Variants in CEP152 observed in about 807,000 individuals in gnomAD.
The protein encoded by CEP152 is centrosomal protein of 152 kDa.
A neutral mutation model predicts 188.9 loss-of-function variants in CEP152; 132 were observed. That is an observed-to-expected ratio of 0.70 (90% CI 0.61 to 0.81). The LOEUF is 0.81. Ranked by LOEUF, CEP152 falls within the 30% of genes least tolerant of loss-of-function variation. The pLI, the probability that CEP152 is intolerant of heterozygous loss-of-function variation, is 0.00. For synonymous variants in CEP152, 649 were observed against 666.6 expected, an observed-to-expected ratio of 0.97 and a Z score of 0.41; for missense variants, 1,914 against 1,969.8, an observed-to-expected ratio of 0.97 and a Z score of 0.54.
chr15:48,800,675 C>A (rs1028475318), intron 2 of CEP152, among the ~76,000 whole-genome samples: 1 of 152,048 alleles, frequency 6.6e-6, no homozygotes, highest in African/African-American at 2.4e-5. Context: ...CATCAGACTG[C>A]TTTTTGGCAG....
chr15:48,765,685 G>A (rs762467112), intron 17 of CEP152: 12 of 323,804 alleles, frequency 3.7e-5, no homozygotes, highest in South Asian at 2.3e-4. Context: ...ACGGAGTTTC[G>A]CTCTGTCGCC....
chr15:48,782,007 C>A, intron 11 of CEP152, 132 bp downstream of exon 11: 1 of 767,424 alleles, frequency 1.3e-6, no homozygotes. Context: ...AGATGGTGAA[C>A]AACTCCCATG....
intron 11 of CEP152, among the ~76,000 whole-genome samples, chr15:48,781,930 C>T (rs545884285): frequency 1.3e-5 from 2 of 152,240 alleles, no homozygotes; most frequent in South Asian, 4.1e-4. Context: ...GGCAAGCTGG[C>T]AGGAAGTGCA....
At chr15:48,810,112 T>C (rs889223548) in intron 1 of CEP152, 8 of 152,218 alleles carry the variant, frequency 5.3e-5, no homozygotes, top group South Asian at 2.1e-4. Context: ...AAGGTGATAA[T>C]AGGCTTAAAT....
rs760130069 is a variant in CEP152 at position 48,744,241 on chromosome 15, T to A, written c.3834A>T (p.Lys1278Asn). 4.3e-6 allele frequency: 7 copies of A among 1,613,876 alleles called. No homozygotes were observed. Among genetic ancestry groups the A allele is most frequent in the Non-Finnish European group, 2.5e-6 (3 of 1,179,964 alleles). Residue 1278 changes from lysine (K) to asparagine (N), a missense_variant and splice_region_variant, in exon 24 of 27, where the codon AAA becomes AAT. By Grantham distance (94) the Lys-to-Asn change is moderately conservative. Transcript: ENST00000380950. Reference sequence around the variant, plus strand: ...TAAAATCTTCAGAATTAAACTTACATTTAATTTTTTTTACAGCTTTAATGT... The same window carrying A: ...TAAAATCTTCAGAATTAAACTTACAATTAATTTTTTTTACAGCTTTAATGT... Reference protein sequence around the residue: ...GQYIKAVKKIKCDMLRYIQES... With the variant: ...GQYIKAVKKINCDMLRYIQES...
At chr15:48,810,269 C>T (rs1364124117) in intron 1 of CEP152, 2 of 152,192 alleles carry the variant, frequency 1.3e-5, no homozygotes, top group Admixed American at 6.5e-5. Flanking sequence ...GCACATAGCC[C>T]GGTTTAGACT....
At chr15:48,767,793 A>T (rs550326638) in intron 15 of CEP152, among the ~76,000 whole-genome samples, 6 of 152,284 alleles carry the variant, frequency 3.9e-5, no homozygotes, top group African/African-American at 1.4e-4. Flanking sequence ...TGGCTCCAAA[A>T]TTTCAAGTCA....
chr15:48,774,485 C>A (rs1003956588), intron 12 of CEP152, among the ~76,000 whole-genome samples: 4 of 152,110 alleles, frequency 2.6e-5, no homozygotes, highest in Non-Finnish European at 5.9e-5. Flanking sequence ...AGAAAAGAAC[C>A]AGAGAAAGGA....
intron 17 of CEP152, 119 bp from the exon 18 acceptor site, chr15:48,762,791 T>C (rs910017103): frequency 3.8e-5 from 36 of 955,094 alleles, no homozygotes; most frequent in Non-Finnish European, 5.2e-5. Context: ...GATATTGTTG[T>C]AGTAATTATA....
intron 15 of CEP152, 62 bp downstream of exon 15, chr15:48,768,157 G>A (rs1433922487): frequency 1.1e-6 from 1 of 926,392 alleles, no homozygotes; most frequent in Non-Finnish European, 1.8e-6. Context: ...ACAGGGAAGG[G>A]CAGGGACTTA....
At chr15:48,787,926 T>A (rs1052700005) in intron 9 of CEP152, among the ~76,000 whole-genome samples, 1 of 152,250 alleles carries the variant, frequency 6.6e-6, no homozygotes, top group Admixed American at 6.5e-5. Context: ...AAAAATTCAC[T>A]GTGCAATATG....
intron 12 of CEP152, among the ~76,000 whole-genome samples, chr15:48,780,036 AG>A (rs1209586699): frequency 6.6e-6 from 1 of 152,228 alleles, no homozygotes; most frequent in Non-Finnish European, 1.5e-5. Flanking sequence ...TGCTGGCCGA[AG>A]GATGGATACT....
In CEP152 at chr15:48,744,890, G is replaced by A. The variant is rs1235002315; in HGVS notation, c.3731+6C>T. On this transcript the variant is annotated splice_donor_region_variant and intron_variant, in intron 23 of 26. Transcript: ENST00000380950. ...AAAATAGCACTTTAAAATAGTAAAA[G>A]TATACCTTGGTGGTGTTTTACAAAG... 6.2e-7 allele frequency: 1 copy of A among 1,604,276 alleles called. No homozygotes were observed.
At chr15:48,748,761 C>A (rs1352156511) in intron 21 of CEP152, among the ~76,000 whole-genome samples, 151 bp from the exon 22 acceptor site, 2 of 151,182 alleles carry the variant, frequency 1.3e-5, no homozygotes, top group Non-Finnish European at 2.9e-5. Context: ...GATAGAGAGA[C>A]ATGGGTTTAC....
intron 10 of CEP152, among the ~76,000 whole-genome samples, chr15:48,782,728 A>G (rs901540051): frequency 6.6e-6 from 1 of 152,208 alleles, no homozygotes; most frequent in Non-Finnish European, 1.5e-5. Flanking sequence ...AATATTTTAA[A>G]TGTACTGGGC....
Position 48,738,386 on chromosome 15 carries a change from T to TA in CEP152, c.4995dup (p.Arg1666Ter). 6.2e-7 allele frequency: 1 copy of TA among 1,614,214 alleles called. No homozygotes were observed. Among genetic ancestry groups the TA allele is most frequent in the Non-Finnish European group, 8.5e-7 (1 of 1,180,018 alleles). ...AGTTTTTTGAAATCTGACTTTAATC[T>TA]ATCAGCCTTATGACGAGATGGGTGT... On this transcript the variant is annotated frameshift_variant, in exon 27 of 27. Transcript: ENST00000380950. LOFTEE classifies it low-confidence loss of function (END_TRUNC).
Position 48,767,405 on chromosome 15 carries a change from G to A in CEP152, c.2077C>T (p.Leu693=). Residue 693 remains leucine, a synonymous_variant, in exon 16 of 27, where the codon CTA becomes TTA. Transcript: ENST00000380950. ...EAMKTQIRES[L]LAKHALEKQQ... The stretch of plus-strand genomic sequence containing the variant: ...TTCTCCAAAGCATGCTTTGCTAATA[G>A]GCTTTCACGTATTTGAGTTTTCATG... 6.2e-7 allele frequency: 1 copy of A among 1,614,130 alleles called. No homozygotes were observed. Among genetic ancestry groups the A allele is most frequent in the South Asian group, 1.1e-5 (1 of 91,076 alleles).
At chr15:48,800,736 T>C (rs1038795138) in intron 2 of CEP152, among the ~76,000 whole-genome samples, 1 of 152,182 alleles carries the variant, frequency 6.6e-6, no homozygotes, top group Non-Finnish European at 1.5e-5. Flanking sequence ...AGTTTAAAAA[T>C]TTAACAGATA....
chr15:48,757,040 C>A (rs1894331035), intron 19 of CEP152, among the ~76,000 whole-genome samples: 1 of 151,910 alleles, frequency 6.6e-6, no homozygotes, highest in Non-Finnish European at 1.5e-5. Flanking sequence ...AAGGACAATA[C>A]CAAACAGAAA....
Sources: gnomAD v4.1 joint callset for allele counts (sites outside exome capture counted in the v4.1 genomes callset) on GRCh38, gnomAD v4.1.1 for gene constraint, MANE v1.5 for transcripts, NCBI Gene and HGNC (gene_info 2026-07-23, HGNC 2026-07-21) for gene names.